Variants in CIAPIN1 observed in about 807,000 individuals in gnomAD.
CIAPIN1 encodes cytokine induced apoptosis inhibitor 1.
A neutral mutation model predicts 34.3 loss-of-function variants in CIAPIN1; 18 were observed. The observed-to-expected ratio is 0.52, with a 90% CI of 0.36 to 0.78. The LOEUF (loss-of-function observed/expected upper bound fraction) is 0.78, where lower values mean the gene tolerates loss of function less well. Among genes scored for constraint, CIAPIN1 ranks in the 30% least tolerant of loss-of-function variants. The probability of loss-of-function intolerance (pLI) is 0.00; values close to 1 mark genes in which losing one functional copy is unlikely to be tolerated. For synonymous variants in CIAPIN1, 131 were observed against 140.4 expected, an observed-to-expected ratio of 0.93 and a Z score of 0.47; for missense variants, 310 against 372.5, an observed-to-expected ratio of 0.83 and a Z score of 1.38.
Position 57,439,096 on chromosome 16 carries a change from T to C in CIAPIN1, c.310+86A>G, listed in dbSNP as rs879020635. The C allele has an allele frequency of 5.0e-5, 68 of 1,364,428 alleles. No homozygotes were observed. In the South Asian group the frequency reaches 7.2e-4, roughly 15 times the overall value. The allele number at this position is 1,364,428 out of a possible 1,614,324, so 84.5% of individuals were successfully genotyped here. A position where few individuals can be genotyped will look rare whatever the true frequency, so the allele number is the denominator to read the frequency against. ...TGCTACAGGAATACTGATCTCCCAA[T>C]GATACCTCCTGCTCACGGAGATGCA... is the stretch of plus-strand genomic sequence containing the variant. On this transcript the variant is annotated intron_variant, in intron 3 of 8. Coordinates refer to ENST00000394391, the MANE Select transcript of CIAPIN1 (RefSeq NM_020313.4).
chr16:57,441,519 A>C (rs1455344348), intron 1 of CIAPIN1: 2 of 152,260 alleles, frequency 1.3e-5, no homozygotes, highest in African/African-American at 2.4e-5. Flanking sequence ...TGTACCATTT[A>C]ATATTAGCTA....
At chr16:57,442,816 T>C (rs1329377162) in intron 1 of CIAPIN1, among the ~76,000 whole-genome samples, 1 of 152,160 alleles carries the variant, frequency 6.6e-6, no homozygotes, top group African/African-American at 2.4e-5. Flanking sequence ...TTACTAAAGG[T>C]TTTATTTGCT....
At chr16:57,433,510 G>C (rs546633462) in intron 5 of CIAPIN1, 1 of 155,520 alleles carries the variant, frequency 6.4e-6, no homozygotes, top group Admixed American at 6.3e-5. Context: ...GGATAGGAAG[G>C]ATGAGGATGG....
intron 4 of CIAPIN1, among the ~76,000 whole-genome samples, chr16:57,435,171 G>A (rs1903171585): frequency 6.6e-6 from 1 of 152,146 alleles, no homozygotes; most frequent in African/African-American, 2.4e-5. Context: ...TGGTTGTAAA[G>A]TATGGCACCT....
rs760103974 is a variant in CIAPIN1 at position 57,429,180 on chromosome 16, T to C, written c.929A>G (p.His310Arg). ...EKVLLSDSNLHDA is the reference protein window; with the variant it reads ...EKVLLSDSNLRDA Reference sequence around the variant, plus strand: ...CATGTCAGGAACCTCCTAGGCATCATGAAGATTGCTATCACTCAGAAGCAC... The same window carrying C: ...CATGTCAGGAACCTCCTAGGCATCACGAAGATTGCTATCACTCAGAAGCAC... Residue 310 changes from histidine (H) to arginine (R), a missense_variant, in exon 9 of 9, where the codon CAT becomes CGT. Transcript: ENST00000394391. 2.5e-6 allele frequency: 4 copies of C among 1,611,698 alleles called. No individual in the cohort carries two copies. The highest frequency in any genetic ancestry group is 1.3e-5 in the African/African-American group (1 of 74,950).
At chr16:57,445,473 A>T (rs1471763207) in intron 1 of CIAPIN1, among the ~76,000 whole-genome samples, 1 of 152,170 alleles carries the variant, frequency 6.6e-6, no homozygotes, top group Non-Finnish European at 1.5e-5. Context: ...TTGCCACTGC[A>T]CTCCAGCCAG....
At chr16:57,435,279 G>A (rs774306750) in intron 4 of CIAPIN1, among the ~76,000 whole-genome samples, 2 of 152,134 alleles carry the variant, frequency 1.3e-5, no homozygotes, top group Non-Finnish European at 2.9e-5. Context: ...AGTTCATTGA[G>A]GCCTCCCTAG....
intron 5 of CIAPIN1, 131 bp from the exon 6 acceptor site, chr16:57,432,691 A>G (rs1340191709): frequency 1.4e-6 from 1 of 730,704 alleles, no homozygotes; most frequent in East Asian, 2.9e-5. Flanking sequence ...GTGGGTTCAC[A>G]GTCCAGCTCT....
chr16:57,438,569 T>C (rs1471574377), intron 3 of CIAPIN1, among the ~76,000 whole-genome samples: 1 of 152,208 alleles, frequency 6.6e-6, no homozygotes, highest in African/African-American at 2.4e-5. Flanking sequence ...TTCTTTTATA[T>C]GTACTCGTTT....
At chr16:57,432,397 C>A in intron 6 of CIAPIN1, 90 bp downstream of exon 6, 1 of 1,052,464 alleles carries the variant, frequency 9.5e-7, no homozygotes. Context: ...AATACGTTCA[C>A]ACCTACAAGT....
chr16:57,436,699 A>G lies in CIAPIN1; in HGVS notation c.344T>C (p.Leu115Pro). The change falls in exon 4 of 9, where the codon CTG (leucine) becomes CCG (proline). Residue 115 changes from leucine (L) to proline (P), a missense_variant. Leu to Pro is a moderately conservative substitution (Grantham distance 98). Coordinates refer to ENST00000394391, the MANE Select transcript of CIAPIN1 (RefSeq NM_020313.4). The part of the protein sequence containing the change: ...NNSKVKTASK[L>P]CSALTLSGLV... Reference sequence around the variant, plus strand: ...ACCAGAAAGAGTCAGGGCTGAACACAGCTTAGATGCTGTCTTCACTTTGCT... The same window carrying G: ...ACCAGAAAGAGTCAGGGCTGAACACGGCTTAGATGCTGTCTTCACTTTGCT... 6.2e-7 allele frequency: 1 copy of G among 1,614,068 alleles called. No homozygotes were observed. Among genetic ancestry groups the G allele is most frequent in the Non-Finnish European group, 8.5e-7 (1 of 1,179,926 alleles).
intron 5 of CIAPIN1, 68 bp from the exon 6 acceptor site, chr16:57,432,628 T>A (rs545759290): frequency 7.2e-7 from 1 of 1,390,248 alleles, no homozygotes; most frequent in African/African-American, 1.4e-5. Flanking sequence ...CAAACATACA[T>A]AAATGCTTCC....
At chr16:57,432,830 C>CTGACG (rs1421174536) in intron 5 of CIAPIN1, among the ~76,000 whole-genome samples, 1 of 152,196 alleles carries the variant, frequency 6.6e-6, no homozygotes, top group East Asian at 1.9e-4. Context: ...CTTAATTCTG[C>CTGACG]TGACAACCTT....
intron 5 of CIAPIN1, 24 bp downstream of exon 5, chr16:57,434,020 A>G (rs747677746): frequency 7.5e-6 from 12 of 1,610,418 alleles, no homozygotes; most frequent in Non-Finnish European, 8.5e-6. Context: ...TTCAAACAGA[A>G]GAATGTCCCT....
At position 57,447,323 on chromosome 16, in the gene CIAPIN1, T is replaced by A. The variant is rs1237255978; in HGVS notation, c.-56+19A>T. On this transcript the variant is annotated intron_variant, in intron 1 of 8. Coordinates refer to ENST00000394391, the MANE Select transcript of CIAPIN1 (RefSeq NM_020313.4). Reference sequence around the variant, plus strand: ...AGTTGAGGGAGCTCTGGCGCTCAGCTGGCCCCCACCACTCTCACCTGCCGC... The same window carrying A: ...AGTTGAGGGAGCTCTGGCGCTCAGCAGGCCCCCACCACTCTCACCTGCCGC... 1 of 441,260 alleles carries A rather than the reference T, an allele frequency of 2.3e-6. No homozygotes were observed. Among genetic ancestry groups the A allele is most frequent in the Non-Finnish European group, 3.8e-6 (1 of 265,588 alleles). 27.3% of individuals were successfully genotyped at this position (441,260 alleles called of 1,614,324 possible).
At chr16:57,436,826 CAAT>C (rs1267767225) in intron 3 of CIAPIN1, 94 bp from the exon 4 acceptor site, 1 of 916,634 alleles carries the variant, frequency 1.1e-6, no homozygotes, top group African/African-American at 1.7e-5. Flanking sequence ...GGCATTCAAA[CAAT>C]AATAACCAGG....
chr16:57,431,702 T>C (rs960803384), intron 6 of CIAPIN1, among the ~76,000 whole-genome samples: 1 of 152,252 alleles, frequency 6.6e-6, no homozygotes, highest in African/African-American at 2.4e-5. Flanking sequence ...TATACCTTTA[T>C]GTAATTCTTT....
chr16:57,438,578 T>A (rs1903254459), intron 3 of CIAPIN1, among the ~76,000 whole-genome samples: 1 of 152,226 alleles, frequency 6.6e-6, no homozygotes, highest in African/African-American at 2.4e-5. Context: ...ATGTACTCGT[T>A]TGGCAGAAGG....
At chr16:57,447,099 C>G (rs2030111121) in intron 1 of CIAPIN1, among the ~76,000 whole-genome samples, 1 of 152,204 alleles carries the variant, frequency 6.6e-6, no homozygotes, top group Admixed American at 6.5e-5. Context: ...GCGCAAGGGA[C>G]GAGGCAGCCG....
Sources: allele counts gnomAD v4.1 joint callset (sites outside exome capture counted in the v4.1 genomes callset), GRCh38; gene constraint gnomAD v4.1.1; transcripts MANE v1.5; gene names NCBI Gene and HGNC (gene_info 2026-07-23, HGNC 2026-07-21).